Variants in MRPS16 observed in about 807,000 individuals in gnomAD.
MRPS16 encodes the protein mitochondrial ribosomal protein S16.
MRPS16 carries 5 observed loss-of-function variants against 11.0 expected under a neutral mutation model. The ratio of observed to expected loss-of-function variants is 0.46; its 90% confidence interval spans 0.24 to 0.96. MRPS16 has a LOEUF of 0.96. Among genes scored for constraint, MRPS16 ranks in the 40% least tolerant of loss-of-function variants. The pLI, the probability that MRPS16 is intolerant of heterozygous loss-of-function variation, is 0.20. For synonymous variants in MRPS16, 76 were observed against 65.0 expected (o/e 1.17, Z -0.81); for missense variants, 179 against 174.4 (o/e 1.03, Z -0.15).
chr10:73,251,137 T>A lies in MRPS16; in HGVS notation c.275-146A>T, dbSNP rs564722806. On this transcript the variant is annotated intron_variant, in intron 2 of 2. Transcript: ENST00000372945. The stretch of plus-strand genomic sequence containing the variant: ...CTCACTTGCCAAACTCTGTACTACT[T>A]CTCCCCGGCAAGGAGACAGTGGATG... 250 of 915,830 alleles carry A rather than the reference T, an allele frequency of 2.7e-4. 2 individuals are homozygous for A. The South Asian group carries it at 3.3e-3, about 12-fold the overall frequency. The allele number at this position is 915,830 out of a possible 1,614,324, so 56.7% of individuals were successfully genotyped here.
chr10:73,250,843 T>A lies in MRPS16; in HGVS notation c.*9A>T. The A allele has an allele frequency of 6.2e-7, 1 of 1,613,512 alleles. No homozygotes were observed. Among genetic ancestry groups the A allele is most frequent in the Non-Finnish European group, 8.5e-7 (1 of 1,180,022 alleles). On this transcript the variant is annotated 3_prime_UTR_variant, in exon 3 of 3. Coordinates refer to ENST00000372945, the MANE Select transcript of MRPS16 (RefSeq NM_016065.4). The stretch of plus-strand genomic sequence containing the variant: ...GTTCCCACTGCTATGCTCACTAAAG[T>A]CAGCTCATTTATGTTTCTGTAGCCT...
chr10:73,251,880 A>G lies in MRPS16; in HGVS notation c.157T>C (p.Ser53Pro). 1.2e-6 allele frequency: 2 copies of G among 1,614,170 alleles called. No individual in the cohort carries two copies. Among genetic ancestry groups the G allele is most frequent in the African/African-American group, 1.3e-5 (1 of 75,024 alleles). ...RDGRFVEQLG[S>P]YDPLPNSHGE... ...TGACTGTTGGGCAATGGATCATAGG[A>G]GCCCAGCTGCTCTACGAAACGGCCA... The change falls in exon 2 of 3, where the codon TCC (serine) becomes CCC (proline). Residue 53 changes from serine to proline, a missense_variant. By Grantham distance (74) the Ser-to-Pro change is moderately conservative (BLOSUM62 -1). Transcript: ENST00000372945.
chr10:73,251,968 C>G lies in MRPS16; in HGVS notation c.69G>C (p.Leu23=), dbSNP rs146931290. The G allele has an allele frequency of 7.6e-5, 123 of 1,614,074 alleles. No individual in the cohort carries two copies. Among genetic ancestry groups the G allele is most frequent in the Admixed American group, 1.7e-4 (10 of 60,004 alleles). ...AGAACGGCCGATTGGTGCAGCCACCCAGGGCAAGGCGGATGGTTAAGTGGC... is the reference window on the plus strand; with the variant it reads ...AGAACGGCCGATTGGTGCAGCCACCGAGGGCAAGGCGGATGGTTAAGTGGC... ...RGGHLTIRLA[L]GGCTNRPFYR... Residue 23 remains leucine (L), a synonymous_variant, in exon 2 of 3, where the codon CTG becomes CTC. Transcript: ENST00000372945.
Position 73,248,985 on chromosome 10 carries a change from C to A in MRPS16, c.*1867G>T. The A allele has an allele frequency of 1.8e-6, 1 of 570,600 alleles. No homozygotes were observed. 35.3% of individuals were successfully genotyped at this position (570,600 alleles called of 1,614,324 possible). On this transcript the variant is annotated 3_prime_UTR_variant, in exon 3 of 3. Coordinates refer to ENST00000372945, the MANE Select transcript of MRPS16 (RefSeq NM_016065.4). ...CCAGGCTGGACTGTAGTGGAACAAT[C>A]ACAGTTCACTGCAGCATCGGCCTCC...
Position 73,252,547 on chromosome 10 carries a change from G to A in MRPS16, c.-65C>T. 1.9e-6 allele frequency: 3 copies of A among 1,593,266 alleles called. No individual in the cohort carries two copies. The highest frequency in any genetic ancestry group is 1.3e-5 in the African/African-American group (1 of 74,830). ...CCGCACGCACCAGCTCTACGGCCTT[G>A]GCAGGGCAGAGAACAAACACAGAAA... is the stretch of plus-strand genomic sequence containing the variant. On this transcript the variant is annotated 5_prime_UTR_variant, in exon 1 of 3. Coordinates refer to ENST00000372945, the MANE Select transcript of MRPS16 (RefSeq NM_016065.4).
rs2044073180 is a variant in MRPS16, at chr10:73,250,421, G to C, written c.*431C>G. On this transcript the variant is annotated 3_prime_UTR_variant, in exon 3 of 3. Transcript: ENST00000372945. ...AAAAAAGAGAATATGCATTAGGCAAGACAATATAAACCTCCAATTACAAAA... is the reference window on the plus strand; with the variant it reads ...AAAAAAGAGAATATGCATTAGGCAACACAATATAAACCTCCAATTACAAAA... 1 of 208,048 alleles carries C rather than the reference G, an allele frequency of 4.8e-6. No individual in the cohort carries two copies. Among genetic ancestry groups the C allele is most frequent in the Admixed American group, 5.3e-5 (1 of 18,706 alleles). The allele number at this position is 208,048 out of a possible 1,614,324, so 12.9% of individuals were successfully genotyped here.
chr10:73,252,154 T>C, intron 1 of MRPS16, 131 bp from the exon 2 acceptor site: 2 of 1,384,966 alleles, frequency 1.4e-6, no homozygotes, highest in Non-Finnish European at 2.0e-6. Flanking sequence ...GTTTAGATGC[T>C]ACTCTTCTTT....
rs552975155 is a variant in MRPS16 at position 73,252,594 on chromosome 10, G to T, written c.-112C>A. 2.7e-6 allele frequency: 4 copies of T among 1,474,698 alleles called. No individual in the cohort carries two copies. The highest frequency in any genetic ancestry group is 3.7e-6 in the Non-Finnish European group (4 of 1,088,672). The allele number at this position is 1,474,698 out of a possible 1,614,324, so 91.4% of individuals were successfully genotyped here. A position where few individuals can be genotyped will look rare whatever the true frequency, so the allele number is the denominator to read the frequency against. On this transcript the variant is annotated 5_prime_UTR_variant, in exon 1 of 3. Transcript: ENST00000372945. ...GAAAGAACCTGCAAGCCGACACCAG[G>T]CCGCACCGCCAAGCGGTACAAGCCC...
chr10:73,251,695 C>A lies in MRPS16; in HGVS notation c.274+68G>T, dbSNP rs1418317989. ...CGTGCCCAGCCGAAAATCATTCTTA[C>A]ACCTACTGTCCTGGAGCTGACTTCA... is the stretch of plus-strand genomic sequence containing the variant. On this transcript the variant is annotated intron_variant, in intron 2 of 2. Transcript: ENST00000372945. 7.5e-6 allele frequency: 12 copies of A among 1,607,048 alleles called. No homozygotes were observed. In the East Asian group the frequency reaches 1.6e-4, roughly 21 times the overall value.
Position 73,249,823 on chromosome 10 carries a change from A to C in MRPS16, c.*1029T>G, listed in dbSNP as rs1483904236. Reference sequence around the variant, plus strand: ...CTAGGAGTGGTGGCTCACGCCAGTAATCCTAGCACTTTGGGAGGCCGAGGT... The same window carrying C: ...CTAGGAGTGGTGGCTCACGCCAGTACTCCTAGCACTTTGGGAGGCCGAGGT... On this transcript the variant is annotated 3_prime_UTR_variant, in exon 3 of 3. Coordinates refer to ENST00000372945, the MANE Select transcript of MRPS16 (RefSeq NM_016065.4). 1.3e-5 allele frequency: 2 copies of C among 152,762 alleles called. No individual in the cohort carries two copies. The highest frequency in any genetic ancestry group is 4.8e-5 in the African/African-American group (2 of 41,470). The allele number at this position is 152,762 out of a possible 1,614,324, so 9.5% of individuals were successfully genotyped here. A position where few individuals can be genotyped will look rare whatever the true frequency, so the allele number is the denominator to read the frequency against.
In MRPS16 at chr10:73,250,399, A is replaced by G. The variant is rs1368092845; in HGVS notation, c.*453T>C. The stretch of plus-strand genomic sequence containing the variant: ...GACTCCGTCTCAAAAAAAAAAAAAA[A>G]AAGAGAATATGCATTAGGCAAGACA... On this transcript the variant is annotated 3_prime_UTR_variant, in exon 3 of 3. Transcript: ENST00000372945. 2 of 176,192 alleles carry G rather than the reference A, an allele frequency of 1.1e-5. No individual in the cohort carries two copies. Among genetic ancestry groups the G allele is most frequent in the Non-Finnish European group, 2.4e-5 (2 of 81,912 alleles). The allele number at this position is 176,192 out of a possible 1,614,324, so 10.9% of individuals were successfully genotyped here. A position where few individuals can be genotyped will look rare whatever the true frequency, so the allele number is the denominator to read the frequency against.
At position 73,249,144 on chromosome 10, in the gene MRPS16, C is replaced by CT; in HGVS notation, c.*1707dup. 1.3e-6 allele frequency: 1 copy of CT among 758,150 alleles called. No individual in the cohort carries two copies. The allele number at this position is 758,150 out of a possible 1,614,324, so 47.0% of individuals were successfully genotyped here. ...GTGTTGCACAGGCTGGTCTCAAACTCTGGCTTCAAGTGATCCTTCCACCTC... is the reference window on the plus strand; with the variant it reads ...GTGTTGCACAGGCTGGTCTCAAACTCTTGGCTTCAAGTGATCCTTCCACCTC... On this transcript the variant is annotated 3_prime_UTR_variant, in exon 3 of 3. Transcript: ENST00000372945.
chr10:73,251,624 G>T, intron 2 of MRPS16, 139 bp downstream of exon 2: 1 of 1,207,728 alleles, frequency 8.3e-7, no homozygotes, highest in Non-Finnish European at 1.2e-6. Flanking sequence ...CAGGTGATCC[G>T]CCCGCCTCGG....
rs971949423 is a variant in MRPS16, at chr10:73,250,734, G to C, written c.*118C>G. On this transcript the variant is annotated 3_prime_UTR_variant, in exon 3 of 3. Transcript: ENST00000372945. Reference sequence around the variant, plus strand: ...TGTGCAGGCCAGGCCAGAAGAGCAAGGGCAACTCAGGATACTCCATTTATT... The same window carrying C: ...TGTGCAGGCCAGGCCAGAAGAGCAACGGCAACTCAGGATACTCCATTTATT... 4.3e-6 allele frequency: 6 copies of C among 1,384,374 alleles called. No individual in the cohort carries two copies. In the African/African-American group the frequency reaches 8.6e-5, roughly 20 times the overall value. The allele number at this position is 1,384,374 out of a possible 1,614,324, so 85.8% of individuals were successfully genotyped here. A position where few individuals can be genotyped will look rare whatever the true frequency, so the allele number is the denominator to read the frequency against.
intron 1 of MRPS16, 134 bp from the exon 2 acceptor site, chr10:73,252,157 T>G: frequency 7.2e-7 from 1 of 1,379,724 alleles, no homozygotes; most frequent in Middle Eastern, 2.0e-4. Context: ...TAGATGCTAC[T>G]CTTCTTTGTG....
intron 2 of MRPS16, among the ~76,000 whole-genome samples, chr10:73,251,410 C>T (rs1418943261): frequency 6.6e-6 from 1 of 151,898 alleles, no homozygotes; most frequent in East Asian, 1.9e-4. Flanking sequence ...GAATCGCCCT[C>T]TGTTGCCCAG....
chr10:73,248,866 C>T lies in MRPS16; in HGVS notation c.*1986G>A. 5.5e-6 allele frequency: 2 copies of T among 360,414 alleles called. No individual in the cohort carries two copies. The highest frequency in any genetic ancestry group is 7.8e-5 in the East Asian group (1 of 12,888). The allele number at this position is 360,414 out of a possible 1,614,324, so 22.3% of individuals were successfully genotyped here. A position where few individuals can be genotyped will look rare whatever the true frequency, so the allele number is the denominator to read the frequency against. On this transcript the variant is annotated 3_prime_UTR_variant, in exon 3 of 3. Transcript: ENST00000372945. ...AATTGAAATCGCACACTGAAATATC[C>T]TTTTATTGCAACTCAAATTTTCAAA... is the stretch of plus-strand genomic sequence containing the variant.
In MRPS16 at chr10:73,250,378, CCG is replaced by C; in HGVS notation, c.*472_*473del. ...TCCAGCCTGGCAACAGAACAAGACT[CCG>C]TCTCAAAAAAAAAAAAAAAAAGAGA... is the stretch of plus-strand genomic sequence containing the variant. On this transcript the variant is annotated 3_prime_UTR_variant, in exon 3 of 3. Transcript: ENST00000372945. 5.9e-6 allele frequency: 1 copy of C among 170,472 alleles called. No individual in the cohort carries two copies. Among genetic ancestry groups the C allele is most frequent in the South Asian group, 1.2e-4 (1 of 8,062 alleles). The allele number at this position is 170,472 out of a possible 1,614,324, so 10.6% of individuals were successfully genotyped here. A position where few individuals can be genotyped will look rare whatever the true frequency, so the allele number is the denominator to read the frequency against.
At position 73,249,382 on chromosome 10, in the gene MRPS16, A is replaced by G; in HGVS notation, c.*1470T>C. 6.9e-7 allele frequency: 1 copy of G among 1,459,432 alleles called. No homozygotes were observed. The allele number at this position is 1,459,432 out of a possible 1,614,324, so 90.4% of individuals were successfully genotyped here. On this transcript the variant is annotated 3_prime_UTR_variant, in exon 3 of 3. Coordinates refer to ENST00000372945, the MANE Select transcript of MRPS16 (RefSeq NM_016065.4). ...AAGTATACTGAAGTTATTCAAATAC[A>G]TTCAAACTATAAAGATCCCTTATAG... is the stretch of plus-strand genomic sequence containing the variant.
Sources: allele counts gnomAD v4.1 joint callset (sites outside exome capture counted in the v4.1 genomes callset), GRCh38; gene constraint gnomAD v4.1.1; transcripts MANE v1.5; gene names NCBI Gene and HGNC (gene_info 2026-07-23, HGNC 2026-07-21).